The following FOXP2 variants were observed in gnomAD, a reference collection of about 807,000 sequenced individuals.
FOXP2 encodes the protein forkhead box P2.
In FOXP2, 12 loss-of-function variants were observed where a neutral mutation model predicts 115.8. The ratio of observed to expected loss-of-function variants is 0.10; its 90% confidence interval spans 0.07 to 0.17. FOXP2 has a LOEUF of 0.17. Among genes scored for constraint, FOXP2 ranks in the 10% least tolerant of loss-of-function variants. The pLI is 1.00. For synonymous variants in FOXP2, 328 were observed against 297.7 expected (o/e 1.10, Z -1.05); for missense variants, 629 against 843.5 (o/e 0.75, Z 3.15).
chr7:114,404,919 G>A (rs1214612806), intron 2 of FOXP2, among the ~76,000 whole-genome samples: 1 of 151,806 alleles, frequency 6.6e-6, no homozygotes, highest in Non-Finnish European at 1.5e-5. Context: ...TTAGTGTTTA[G>A]CATCATTTAA....
chr7:114,270,684 G>T (rs1796012728), intron 1 of FOXP2, among the ~76,000 whole-genome samples: 1 of 152,020 alleles, frequency 6.6e-6, no homozygotes, highest in Non-Finnish European at 1.5e-5. Context: ...TGAGTTTTAA[G>T]AATTCTTTGT....
chr7:114,419,168 T>C (rs1793485693), intron 1 of FOXP2, among the ~76,000 whole-genome samples: 1 of 151,944 alleles, frequency 6.6e-6, no homozygotes, highest in Admixed American at 6.6e-5. Flanking sequence ...TATATACATA[T>C]GTAGTATGTC....
chr7:114,544,992 G>T (rs1452959927), intron 3 of FOXP2, among the ~76,000 whole-genome samples: 1 of 152,106 alleles, frequency 6.6e-6, no homozygotes, highest in East Asian at 1.9e-4. Flanking sequence ...GAGATCTTGG[G>T]TCTATCCCAG....
intron 2 of FOXP2, among the ~76,000 whole-genome samples, chr7:114,529,268 G>A (rs1337048857): frequency 6.6e-6 from 1 of 151,768 alleles, no homozygotes; most frequent in Non-Finnish European, 1.5e-5. Flanking sequence ...TAGAATTTCT[G>A]AGGTCATCTG....
chr7:114,647,374 T>C (rs745445091), intron 8 of FOXP2, among the ~76,000 whole-genome samples: 101 of 151,280 alleles, frequency 6.7e-4, no homozygotes, highest in Middle Eastern at 3.4e-3. Flanking sequence ...GTATATTATA[T>C]ATATTTATGT....
At chr7:114,340,759 C>G (rs1250032755) in intron 2 of FOXP2, among the ~76,000 whole-genome samples, 1 of 150,938 alleles carries the variant, frequency 6.6e-6, no homozygotes, top group Non-Finnish European at 1.5e-5. Context: ...TGATTGCACC[C>G]CCACTGTGTT....
At chr7:114,156,004 C>T (rs988162074) in intron 1 of FOXP2, among the ~76,000 whole-genome samples, 1 of 152,056 alleles carries the variant, frequency 6.6e-6, no homozygotes, top group African/African-American at 2.4e-5. Flanking sequence ...AGTGTGTTTA[C>T]TGAGGTTGTA....
chr7:114,550,017 C>T (rs1800121093), intron 3 of FOXP2, among the ~76,000 whole-genome samples: 1 of 151,592 alleles, frequency 6.6e-6, no homozygotes, highest in Admixed American at 6.6e-5. Context: ...GTAAGTTAAA[C>T]TCTTAATACC....
chr7:114,567,858 G>C (rs1043504780), intron 3 of FOXP2, among the ~76,000 whole-genome samples: 1 of 151,962 alleles, frequency 6.6e-6, no homozygotes, highest in Non-Finnish European at 1.5e-5. Flanking sequence ...GAAGAAACTG[G>C]GTGGGGTTTT....
At chr7:114,617,575 C>A (rs1804018015) in intron 3 of FOXP2, among the ~76,000 whole-genome samples, 1 of 152,180 alleles carries the variant, frequency 6.6e-6, no homozygotes, top group Non-Finnish European at 1.5e-5. Flanking sequence ...GGGTGGATCA[C>A]CTGAGGTCAG....
intron 1 of FOXP2, among the ~76,000 whole-genome samples, chr7:114,111,563 C>G (rs1165169305): frequency 1.3e-5 from 2 of 152,074 alleles, no homozygotes; most frequent in African/African-American, 4.8e-5. Flanking sequence ...GCTACAGGAA[C>G]TTTTAAGTTT....
At chr7:114,309,852 A>G (rs965900687) in intron 2 of FOXP2, among the ~76,000 whole-genome samples, 2 of 142,042 alleles carry the variant, frequency 1.4e-5, no homozygotes, top group South Asian at 2.2e-4. Flanking sequence ...TTTTTTAGAT[A>G]TGGGGGCTTG....
intron 1 of FOXP2, among the ~76,000 whole-genome samples, chr7:114,106,611 T>A (rs1791124265): frequency 6.6e-6 from 1 of 151,982 alleles, no homozygotes; most frequent in African/African-American, 2.4e-5. Context: ...CCAGAAACAT[T>A]CTTTAGAGGA....
intron 1 of FOXP2, among the ~76,000 whole-genome samples, chr7:114,219,243 T>A (rs1794559435): frequency 6.6e-6 from 1 of 152,154 alleles, no homozygotes; most frequent in Admixed American, 6.5e-5. Context: ...TTTAAACCAT[T>A]TCAGTGATAA....
intron 2 of FOXP2, among the ~76,000 whole-genome samples, chr7:114,384,143 T>A (rs1457059091): frequency 1.3e-5 from 2 of 151,282 alleles, no homozygotes; most frequent in African/African-American, 4.9e-5. Flanking sequence ...GTCCTGCACC[T>A]GTTTTCCTGC....
At chr7:114,390,189 T>C (rs1792558370) in intron 2 of FOXP2, among the ~76,000 whole-genome samples, 1 of 152,124 alleles carries the variant, frequency 6.6e-6, no homozygotes, top group Admixed American at 6.5e-5. Flanking sequence ...AACAGTACAG[T>C]ATATAACTAC....
chr7:114,448,547 CT>C (rs2129216929), intron 2 of FOXP2, among the ~76,000 whole-genome samples: 1 of 151,990 alleles, frequency 6.6e-6, no homozygotes, highest in African/African-American at 2.4e-5. Flanking sequence ...TTTTCTATTC[CT>C]GATGTTGTCC....
chr7:114,271,340 C>G (rs1796031273), intron 1 of FOXP2, among the ~76,000 whole-genome samples: 1 of 150,484 alleles, frequency 6.6e-6, no homozygotes, highest in Non-Finnish European at 1.5e-5. Flanking sequence ...TGAGTGGGGA[C>G]ATGCTTGCCT....
At chr7:114,606,155 A>G (rs892907035) in intron 3 of FOXP2, among the ~76,000 whole-genome samples, 10 of 152,216 alleles carry the variant, frequency 6.6e-5, no homozygotes, top group African/African-American at 1.9e-4. Context: ...ACCTTGGGGT[A>G]TTATGTTTGG....
Sources: gnomAD v4.1 joint callset for allele counts (sites outside exome capture counted in the v4.1 genomes callset) on GRCh38, gnomAD v4.1.1 for gene constraint, MANE v1.5 for transcripts, NCBI Gene and HGNC (gene_info 2026-07-23, HGNC 2026-07-21) for gene names.